LRRC56: variants seen among roughly 807,000 people sequenced by gnomAD.
LRRC56 encodes the protein leucine rich repeat containing 56.
In LRRC56, 41 loss-of-function variants were observed where a neutral mutation model predicts 47.8. That is an observed-to-expected ratio of 0.86 (90% CI 0.67 to 1.11). The LOEUF (loss-of-function observed/expected upper bound fraction) is 1.11. Ranked by LOEUF, LRRC56 falls within the 50% of genes most tolerant of loss-of-function variation. The pLI, the probability that LRRC56 is intolerant of heterozygous loss-of-function variation, is 0.00. For missense variants in LRRC56, 759 were observed against 704.2 expected (o/e 1.08, Z -0.88); for synonymous variants, 387 against 311.2 (o/e 1.24, Z -2.56).
chr11:545,130 C>T (rs1308668364), intron 6 of LRRC56, among the ~76,000 whole-genome samples: 3 of 152,208 alleles, frequency 2.0e-5, no homozygotes, highest in African/African-American at 4.8e-5. Flanking sequence ...CGTGTGACCC[C>T]TACACATGGA....
chr11:530,578 G>C, the LRRC56 span, among the ~76,000 whole-genome samples: 52 of 67,254 alleles, frequency 7.7e-4, no homozygotes, highest in East Asian at 7.1e-4. Flanking sequence ...GTCCCCTGGA[G>C]AGAAGGGGGA....
upstream of LRRC56, chr11:532,877 C>T (rs1225041254): frequency 2.1e-6 from 2 of 935,736 alleles, no homozygotes; most frequent in Non-Finnish European, 3.4e-6. Context: ...CAGCCACTTC[C>T]CCAGGCCCAC....
At position 541,126 on chromosome 11, in the gene LRRC56, G is replaced by T. The variant is rs1851770139; in HGVS notation, c.177+265G>T. Among the ~76,000 whole-genome samples, 1 of 152,178 alleles carries T rather than the reference G, an allele frequency of 6.6e-6. No homozygotes were observed. Among genetic ancestry groups the T allele is most frequent in the East Asian group, 1.9e-4 (1 of 5,190 alleles). On this transcript the variant is annotated intron_variant, in intron 4 of 13. Coordinates refer to ENST00000270115, the MANE Select transcript of LRRC56 (RefSeq NM_198075.4). The surrounding 1 kb of genome is among the most constrained non-coding windows in gnomAD (Gnocchi z 4.1). ...GCATTTGGGTCACAGACAGGACTGAGCCAGGCCAGAACCCACAAGTAGGGG... is the reference window on the plus strand; with the variant it reads ...GCATTTGGGTCACAGACAGGACTGATCCAGGCCAGAACCCACAAGTAGGGG...
chr11:520,263 C>A, the LRRC56 span, among the ~76,000 whole-genome samples: 3 of 85,034 alleles, frequency 3.5e-5, 1 homozygote, highest in African/African-American at 8.7e-5. Flanking sequence ...TATTAGAACG[C>A]GGCCTGATAC....
chr11:528,176 T>G, the LRRC56 span, among the ~76,000 whole-genome samples: 1 of 152,188 alleles, frequency 6.6e-6, no homozygotes, highest in East Asian at 1.9e-4. Flanking sequence ...TGGATGGATG[T>G]TGGGAGAGTT....
the LRRC56 span, among the ~76,000 whole-genome samples, chr11:508,183 C>A: frequency 6.6e-6 from 1 of 152,200 alleles, no homozygotes; most frequent in Non-Finnish European, 1.5e-5. Context: ...TATTTGTTTT[C>A]GAGACAGGGT....
rs113808353 is a variant in LRRC56 at position 549,960 on chromosome 11, G to C, written c.385G>C (p.Ala129Pro). 6.2e-7 allele frequency: 1 copy of C among 1,612,652 alleles called. No individual in the cohort carries two copies. Among genetic ancestry groups the C allele is most frequent in the Admixed American group, 1.7e-5 (1 of 59,992 alleles). Residue 129 changes from alanine to proline, a missense_variant, in exon 7 of 14, where the codon GCT becomes CCT. Physicochemically the swap from Ala to Pro is conservative, Grantham distance 27 (BLOSUM62 -1). Transcript: ENST00000270115. Reference protein sequence around the residue: ...QVLWLARCGLADLDGIASLPA... With the variant: ...QVLWLARCGLPDLDGIASLPA... ...GCTGTGGCTGGCTCGCTGTGGCCTCGCTGACCTGGATGGCATCGCCTCTTT... is the reference window on the plus strand; with the variant it reads ...GCTGTGGCTGGCTCGCTGTGGCCTCCCTGACCTGGATGGCATCGCCTCTTT...
At chr11:532,478 T>C in the LRRC56 span, 2 of 988,426 alleles carry the variant, frequency 2.0e-6, no homozygotes, top group Non-Finnish European at 3.0e-6. Context: ...TCCTTCCGTC[T>C]GCACCTCCTT....
At chr11:525,265 C>A in the LRRC56 span, among the ~76,000 whole-genome samples, 1 of 151,392 alleles carries the variant, frequency 6.6e-6, no homozygotes, top group African/African-American at 2.4e-5. Context: ...TCAGGCCAGG[C>A]ACGGTGGCTC....
intron 8 of LRRC56, among the ~76,000 whole-genome samples, chr11:550,482 C>T (rs1159462876): frequency 2.6e-5 from 4 of 152,192 alleles, no homozygotes; most frequent in Non-Finnish European, 5.9e-5. Flanking sequence ...CACAGGGTCA[C>T]CTGCACACAC....
chr11:533,717 G>T (rs1320713194), upstream of LRRC56: 1 of 1,611,520 alleles, frequency 6.2e-7, no homozygotes, highest in African/African-American at 1.3e-5. Context: ...CAGCCGGCCT[G>T]GCCCCACCTG....
the LRRC56 span, among the ~76,000 whole-genome samples, chr11:518,934 G>T: frequency 6.6e-6 from 1 of 151,846 alleles, no homozygotes; most frequent in Non-Finnish European, 1.5e-5. Context: ...ACGTGACCTG[G>T]AAACCCCGCC....
chr11:530,408 G>A, the LRRC56 span, among the ~76,000 whole-genome samples: 1 of 151,914 alleles, frequency 6.6e-6, no homozygotes, highest in African/African-American at 2.4e-5. Flanking sequence ...GAGGCTGCTG[G>A]GGAGAAGGGG....
Position 552,597 on chromosome 11 carries a change from CAACAGGAAGGG to C in LRRC56, c.1211_1221del (p.Gln404ArgfsTer12). On this transcript the variant is annotated frameshift_variant, in exon 13 of 14. Coordinates refer to ENST00000270115, the MANE Select transcript of LRRC56 (RefSeq NM_198075.4). LOFTEE classifies it high-confidence loss of function. Reference sequence around the variant, plus strand: ...CCTCCCCTATAGGCACCCGGAGTCCCAACAGGAAGGGGCTGTAGCCCCCTGGGGCCCACGGA... The same window carrying C: ...CCTCCCCTATAGGCACCCGGAGTCCCGCTGTAGCCCCCTGGGGCCCACGGA... 6.2e-7 allele frequency: 1 copy of C among 1,608,970 alleles called. No homozygotes were observed. Among genetic ancestry groups the C allele is most frequent in the Non-Finnish European group, 8.5e-7 (1 of 1,178,174 alleles).
chr11:531,504 A>G, the LRRC56 span, among the ~76,000 whole-genome samples: 37,110 of 152,076 alleles, frequency 0.24, 4,937 homozygotes, highest in African/African-American at 0.35. Flanking sequence ...AGTGGGTGGC[A>G]GAGCCTGTGT....
the LRRC56 span, chr11:532,462 T>TCCTC: frequency 3.1e-5 from 27 of 879,304 alleles, no homozygotes; most frequent in Non-Finnish European, 4.2e-5. Context: ...CGTCCTTCCT[T>TCCTC]CCTCCTCCTT....
Position 552,710 on chromosome 11 carries a change from G to C in LRRC56, c.1315+8G>C. On this transcript the variant is annotated splice_region_variant and intron_variant, in intron 13 of 13. Transcript: ENST00000270115. The stretch of plus-strand genomic sequence containing the variant: ...CCCCAAGCCTGGCCTCAGGTACTGA[G>C]CCTGCCCGCCTGCCCCCCAGTGCCT... 6.3e-7 allele frequency: 1 copy of C among 1,587,812 alleles called. No homozygotes were observed. Among genetic ancestry groups the C allele is most frequent in the East Asian group, 2.2e-5 (1 of 44,794 alleles).
chr11:521,092 C>T, the LRRC56 span, among the ~76,000 whole-genome samples: 1 of 152,220 alleles, frequency 6.6e-6, no homozygotes, highest in Non-Finnish European at 1.5e-5. Context: ...GGGGCAGACG[C>T]CCTGCCAGGC....
At chr11:525,410 C>A in the LRRC56 span, among the ~76,000 whole-genome samples, 1 of 152,170 alleles carries the variant, frequency 6.6e-6, no homozygotes, top group East Asian at 1.9e-4. Flanking sequence ...GTGGTGGCGG[C>A]CGCCTGTAGT....
Sources: allele counts gnomAD v4.1 joint callset (sites outside exome capture counted in the v4.1 genomes callset), GRCh38; gene constraint gnomAD v4.1.1; non-coding constraint Gnocchi (gnomAD v3.1); transcripts MANE v1.5; gene names NCBI Gene and HGNC (gene_info 2026-07-23, HGNC 2026-07-21).